UGT2B4: variants seen among roughly 807,000 people sequenced by gnomAD.
UGT2B4 encodes UDP glucuronosyltransferase family 2 member B4.
In UGT2B4, 49 loss-of-function variants were observed where a neutral mutation model predicts 49.8. That is an observed-to-expected ratio of 0.98 (90% CI 0.78 to 1.25). The LOEUF (loss-of-function observed/expected upper bound fraction) is 1.25. Among genes scored for constraint, UGT2B4 ranks in the 50% most tolerant of loss-of-function variants. The pLI is 0.00. For missense variants in UGT2B4, 729 were observed against 627.7 expected, an observed-to-expected ratio of 1.16 and a Z score of -1.73; for synonymous variants, 246 against 217.7, an observed-to-expected ratio of 1.13 and a Z score of -1.14.
upstream of UGT2B4, among the ~76,000 whole-genome samples, chr4:69,496,960 A>AAAC (rs1553896207): frequency 3.3e-5 from 5 of 150,472 alleles, no homozygotes; most frequent in African/African-American, 9.7e-5. Context: ...AAAAAAAAAA[A>AAAC]AAAAGTAAAC....
At position 69,488,717 on chromosome 4, in the gene UGT2B4, T is replaced by C. The variant is rs41297403; in HGVS notation, c.1002+722A>G. Reference sequence around the variant, plus strand: ...AGTGCAGCGTCCTTGTGGGGCCACATTTTATACTACACAGGGTCCACCCTC... The same window carrying C: ...AGTGCAGCGTCCTTGTGGGGCCACACTTTATACTACACAGGGTCCACCCTC... On this transcript the variant is annotated intron_variant, in intron 3 of 5. Transcript: ENST00000305107. 5.1e-4 allele frequency among the ~76,000 whole-genome samples: 78 copies of C among 152,060 alleles called. No homozygotes were observed. In the East Asian group the frequency reaches 0.014, roughly 27 times the overall value.
intron 3 of UGT2B4, among the ~76,000 whole-genome samples, chr4:69,487,209 A>G (rs1649111353): frequency 6.6e-6 from 1 of 152,206 alleles, no homozygotes; most frequent in African/African-American, 2.4e-5. Context: ...ATACCATTCA[A>G]CCCAGCAATC....
At chr4:69,520,643 C>T (rs1175946007) in intron 1 of UGT2B4, among the ~76,000 whole-genome samples, 1 of 152,240 alleles carries the variant, frequency 6.6e-6, no homozygotes, top group Non-Finnish European at 1.5e-5. Context: ...TGGACATGTG[C>T]ATGCTTGGGG....
At chr4:69,505,114 A>C (rs1728435741) in intron 1 of UGT2B4, among the ~76,000 whole-genome samples, 1 of 152,212 alleles carries the variant, frequency 6.6e-6, no homozygotes, top group African/African-American at 2.4e-5. Context: ...AACCATTACA[A>C]AAGCACACTG....
At position 69,485,357 on chromosome 4, in the gene UGT2B4, T is replaced by C. The variant is rs1259805400; in HGVS notation, c.1161A>G (p.Gly387=). Residue 387 remains glycine, a synonymous_variant, in exon 5 of 6, where the codon GGA becomes GGG. Transcript: ENST00000305107. ...ACAATGGAACGCCCACCATAGGGATTCCATGGTAGATTGCCTCATAGATGC... is the reference window on the plus strand; with the variant it reads ...ACAATGGAACGCCCACCATAGGGATCCCATGGTAGATTGCCTCATAGATGC... ...ANGIYEAIYH[G]IPMVGVPLFA... 3 of 1,613,888 alleles carry C rather than the reference T, an allele frequency of 1.9e-6. No homozygotes were observed. Among genetic ancestry groups the C allele is most frequent in the Non-Finnish European group, 2.5e-6 (3 of 1,179,918 alleles).
chr4:69,510,844 TA>T (rs1444720102), intron 1 of UGT2B4, among the ~76,000 whole-genome samples: 1 of 152,100 alleles, frequency 6.6e-6, no homozygotes, highest in African/African-American at 2.4e-5. Flanking sequence ...ACTCCAGTAC[TA>T]TGTGGAATAG....
At chr4:69,485,570 G>T (rs4554145) in intron 4 of UGT2B4, 143 bp from the exon 5 acceptor site, 7 of 1,123,774 alleles carry the variant, frequency 6.2e-6, no homozygotes, top group Admixed American at 4.9e-5. Flanking sequence ...AGGAAGGAAC[G>T]CCTACTTCTG....
At chr4:69,495,001 G>T in intron 1 of UGT2B4, 140 bp downstream of exon 1, 2 of 770,752 alleles carry the variant, frequency 2.6e-6, no homozygotes, top group Middle Eastern at 2.5e-4. Context: ...TTGTGAGTTT[G>T]GTAGATCATC....
chr4:69,502,113 C>CTTTCTTTCTTTCTTTCTTTCT, intron 1 of UGT2B4, among the ~76,000 whole-genome samples: 2 of 117,568 alleles, frequency 1.7e-5, no homozygotes, highest in Middle Eastern at 9.3e-3. Flanking sequence ...TTCTTTCTTT[C>CTTTCTTTCTTTCTTTCTTTCT]TTTCTTTCTT....
chr4:69,525,825 G>T, exon 1 of UGT2B4: 1 of 894,448 alleles, frequency 1.1e-6, no homozygotes, highest in Non-Finnish European at 1.5e-6. Flanking sequence ...CTCCAGGCTG[G>T]GCGAGGTGGC....
intron 3 of UGT2B4, among the ~76,000 whole-genome samples, chr4:69,487,388 G>A (rs1467823801): frequency 1.3e-5 from 2 of 152,112 alleles, no homozygotes; most frequent in East Asian, 1.9e-4. Flanking sequence ...TGTGGTACAT[G>A]TTCACCATGA....
In UGT2B4 at chr4:69,495,501, C is replaced by A. The variant is rs1189405112; in HGVS notation, c.361G>T (p.Asp121Tyr). 5 of 1,612,122 alleles carry A rather than the reference C, an allele frequency of 3.1e-6. No homozygotes were observed. Among genetic ancestry groups the A allele is most frequent in the Non-Finnish European group, 4.2e-6 (5 of 1,178,844 alleles). The change falls in exon 1 of 6, where the codon GAC becomes TAC. Residue 121 changes from aspartate to tyrosine, a missense_variant. Transcript: ENST00000305107. ...QVQEIMWTFN[D>Y]ILRKFCKDIV... Reference sequence around the variant, plus strand: ...TCCTTACAGAACTTTCTAAGTATGTCATTAAATGTCCACATGATTTCTTGT... The same window carrying A: ...TCCTTACAGAACTTTCTAAGTATGTAATTAAATGTCCACATGATTTCTTGT...
intron 5 of UGT2B4, among the ~76,000 whole-genome samples, chr4:69,481,673 T>TA (rs1225463992): frequency 2.6e-5 from 4 of 152,192 alleles, no homozygotes; most frequent in African/African-American, 9.6e-5. Context: ...AATATCCAGT[T>TA]ACACTCCTTT....
chr4:69,493,854 A>G lies in UGT2B4; in HGVS notation c.722-13T>C. 1 of 1,581,492 alleles carries G rather than the reference A, an allele frequency of 6.3e-7. No homozygotes were observed. Among genetic ancestry groups the G allele is most frequent in the South Asian group, 1.2e-5 (1 of 83,084 alleles). Reference sequence around the variant, plus strand: ...GTAGTGGGTCTTCCTGATGGGGGAAAAAAAAAGAAAAGATAGATGACACAA... The same window carrying G: ...GTAGTGGGTCTTCCTGATGGGGGAAGAAAAAAGAAAAGATAGATGACACAA... On this transcript the variant is annotated splice_polypyrimidine_tract_variant and intron_variant, in intron 1 of 5. Coordinates refer to ENST00000305107, the MANE Select transcript of UGT2B4 (RefSeq NM_021139.3).
chr4:69,480,993 G>T lies in UGT2B4; in HGVS notation c.1311-83C>A, dbSNP rs4415025. ...GAGGCTCACACCTGCAATCCCAGCA[G>T]TTTCCGAGGTCGAGGCGGGCGGATC... On this transcript the variant is annotated intron_variant, in intron 5 of 5. Coordinates refer to ENST00000305107, the MANE Select transcript of UGT2B4 (RefSeq NM_021139.3). The T allele has an allele frequency of 3.4e-4, 517 of 1,522,046 alleles. 1 individual carries two copies. Among genetic ancestry groups the T allele is most frequent in the Non-Finnish European group, 4.4e-4 (489 of 1,119,206 alleles). 94.3% of individuals were successfully genotyped at this position (1,522,046 alleles called of 1,614,324 possible).
In UGT2B4 at chr4:69,501,971, TTCACATTGAC is replaced by T. The variant is rs549852719; in HGVS notation, c.-105-6015_-105-6006del. Among the ~76,000 whole-genome samples, 447 of 152,246 alleles carry T rather than the reference TTCACATTGAC, an allele frequency of 2.9e-3. 2 individuals carry two copies. Among genetic ancestry groups the T allele is most frequent in the Non-Finnish European group, 3.6e-3 (248 of 68,008 alleles). On this transcript the variant is annotated intron_variant, in intron 1 of 1. Coordinates refer to the UGT2B4 transcript ENST00000510114. ...GTGGGAGAAGCATGTTACCTGGGGC[TTCACATTGAC>T]TCATCACTTCCCTGGGAGGTTCATT...
At chr4:69,481,183 C>A (rs1189667880) in intron 5 of UGT2B4, among the ~76,000 whole-genome samples, 1 of 148,468 alleles carries the variant, frequency 6.7e-6, no homozygotes, top group Non-Finnish European at 1.5e-5. Flanking sequence ...GCAGGAGAAT[C>A]GCTTGAACCC....
intron 1 of UGT2B4, among the ~76,000 whole-genome samples, chr4:69,523,249 T>A (rs183283473): frequency 6.6e-6 from 1 of 152,032 alleles, no homozygotes; most frequent in East Asian, 2.0e-4. Flanking sequence ...ACGTTTTCAA[T>A]TTACTCAGCC....
chr4:69,502,091 C>CTTTCTT (rs1164693410), intron 1 of UGT2B4, among the ~76,000 whole-genome samples: 11,188 of 108,434 alleles, frequency 0.1, 1,819 homozygotes, highest in East Asian at 0.23. Flanking sequence ...TTCTTTCTCT[C>CTTTCTT]TCTTTCTTTC....
Sources: allele counts gnomAD v4.1 joint callset (sites outside exome capture counted in the v4.1 genomes callset), GRCh38; gene constraint gnomAD v4.1.1; transcripts MANE v1.5; gene names NCBI Gene and HGNC (gene_info 2026-07-23, HGNC 2026-07-21).